ARAP2: variants seen among roughly 807,000 people sequenced by gnomAD.
The protein encoded by ARAP2 is arf-GAP with Rho-GAP domain, ANK repeat and PH domain-containing protein 2.
Under a neutral mutation model 194.5 loss-of-function variants are expected in ARAP2, and 148 were observed. The ratio of observed to expected loss-of-function variants is 0.76; its 90% CI spans 0.67 to 0.87. The LOEUF is 0.87. Among genes scored for constraint, ARAP2 ranks in the 40% least tolerant of loss-of-function variants. The pLI, the probability that ARAP2 is intolerant of heterozygous loss-of-function variation, is 0.00. For missense variants in ARAP2, 2,128 were observed against 1,989.7 expected (o/e 1.07, Z -1.32); for synonymous variants, 695 against 683.5 (o/e 1.02, Z -0.26).
intron 26 of ARAP2, among the ~76,000 whole-genome samples, chr4:36,112,128 T>C (rs1237868475): frequency 6.6e-6 from 1 of 151,940 alleles, no homozygotes; most frequent in Non-Finnish European, 1.5e-5. Context: ...ACAATCCATA[T>C]CACTCAGGTC....
At chr4:36,079,465 G>C (rs1280934304) in intron 31 of ARAP2, among the ~76,000 whole-genome samples, 1 of 152,064 alleles carries the variant, frequency 6.6e-6, no homozygotes, top group Admixed American at 6.6e-5. Context: ...ATAAAGAATG[G>C]CAACTTAATC....
rs149290171 is a variant in ARAP2 at position 36,090,088 on chromosome 4, C to T, written c.4425+1793G>A. 7.7e-3 allele frequency among the ~76,000 whole-genome samples: 1,169 copies of T among 151,832 alleles called. 8 individuals are homozygous for T. The highest frequency in any genetic ancestry group is 0.013 in the Non-Finnish European group (871 of 67,906). Reference sequence around the variant, plus strand: ...AATAAGGGGGATATTACTACTGACCCCATAGAAATATAAACAAGTATCAAA... The same window carrying T: ...AATAAGGGGGATATTACTACTGACCTCATAGAAATATAAACAAGTATCAAA... On this transcript the variant is annotated intron_variant, in intron 28 of 32. Coordinates refer to ENST00000303965, the MANE Select transcript of ARAP2 (RefSeq NM_015230.4).
intron 31 of ARAP2, among the ~76,000 whole-genome samples, chr4:36,074,264 A>T (rs1727719705): frequency 6.6e-6 from 1 of 152,176 alleles, no homozygotes. Context: ...CAGAAAAATT[A>T]GCCTAACTTT....
At chr4:36,063,462 GA>G (rs11286192), downstream of ARAP2, among the ~76,000 whole-genome samples, 20,887 of 132,138 alleles carry the variant, frequency 0.16, 1,514 homozygotes, top group Middle Eastern at 0.26. Context: ...TTTAAAAAAA[GA>G]AAAAAAAAAA....
chr4:36,225,093 T>A (rs1750008022), intron 2 of ARAP2, among the ~76,000 whole-genome samples: 1 of 152,200 alleles, frequency 6.6e-6, no homozygotes, highest in Admixed American at 6.5e-5. Context: ...GATTTCAAAC[T>A]TTTGAAAAGC....
Position 36,166,978 on chromosome 4 carries a change from T to A in ARAP2, c.1927A>T (p.Thr643Ser). The A allele has an allele frequency of 6.2e-7, 1 of 1,609,146 alleles. No homozygotes were observed. The highest frequency in any genetic ancestry group is 8.5e-7 in the Non-Finnish European group (1 of 1,178,152). ...ATTATTTCAAAAGATTGTTTCACAGTTCGGTCCACTTGCTTTACATTTGCT... is the reference window on the plus strand; with the variant it reads ...ATTATTTCAAAAGATTGTTTCACAGATCGGTCCACTTGCTTTACATTTGCT... ...NVANVKQVDR[T>S]VKQSFEIITP... The change falls in exon 10 of 33, where the codon ACT becomes TCT. Residue 643 changes from threonine to serine, a missense_variant. Thr to Ser is a moderately conservative substitution (Grantham distance 58). Transcript: ENST00000303965.
At chr4:36,145,992 T>C (rs1210175653) in intron 19 of ARAP2, among the ~76,000 whole-genome samples, 1 of 152,010 alleles carries the variant, frequency 6.6e-6, no homozygotes, top group Non-Finnish European at 1.5e-5. Flanking sequence ...CAAAGAGACA[T>C]CTCCGAGTTA....
rs1287415131 is a variant in ARAP2 at position 36,129,449 on chromosome 4, G to GATGAA, written c.3428-705_3428-704insTTCAT. The stretch of plus-strand genomic sequence containing the variant: ...TTCTCTGCCCAATCCCCATTCTGTT[G>GATGAA]GGGTCACCCTTCATCAATAATATTA... On this transcript the variant is annotated intron_variant, in intron 20 of 32. Coordinates refer to ENST00000303965, the MANE Select transcript of ARAP2 (RefSeq NM_015230.4). 2.6e-5 allele frequency among the ~76,000 whole-genome samples: 4 copies of GATGAA among 151,774 alleles called. No individual in the cohort carries two copies. In the East Asian group the frequency reaches 7.8e-4, roughly 30 times the overall value.
chr4:36,021,086 T>G (rs1716857192), intron 5 of ARAP2, among the ~76,000 whole-genome samples: 1 of 152,050 alleles, frequency 6.6e-6, no homozygotes, highest in Non-Finnish European at 1.5e-5. Flanking sequence ...AAATGATAGG[T>G]TAGAGGTACC....
chr4:36,225,016 G>A (rs1749989797), intron 2 of ARAP2, among the ~76,000 whole-genome samples: 1 of 152,134 alleles, frequency 6.6e-6, no homozygotes. Flanking sequence ...TGTGAATACA[G>A]AGGAAAAATA....
At chr4:36,092,565 G>A (rs1200455606) in intron 27 of ARAP2, among the ~76,000 whole-genome samples, 1 of 152,138 alleles carries the variant, frequency 6.6e-6, no homozygotes, top group Non-Finnish European at 1.5e-5. Context: ...AGCTGAGACT[G>A]TGCCATTGCA....
At chr4:36,055,578 T>A (rs1177610706) in intron 2 of ARAP2, among the ~76,000 whole-genome samples, 1 of 152,182 alleles carries the variant, frequency 6.6e-6, no homozygotes, top group Non-Finnish European at 1.5e-5. Context: ...TTATTTATTT[T>A]TTTGAGATGG....
intron 27 of ARAP2, among the ~76,000 whole-genome samples, chr4:36,097,085 C>T (rs1413650713): frequency 2.0e-5 from 3 of 151,958 alleles, no homozygotes; most frequent in East Asian, 1.9e-4. Context: ...TCCTATGTCT[C>T]GTATTAAACA....
rs1459770778 is a variant in ARAP2, at chr4:36,229,584, T to G, written c.-98A>C. The G allele has an allele frequency of 1.1e-6, 1 of 942,240 alleles. No individual in the cohort carries two copies. Among genetic ancestry groups the G allele is most frequent in the Non-Finnish European group, 1.5e-6 (1 of 645,974 alleles). 58.4% of individuals were successfully genotyped at this position (942,240 alleles called of 1,614,324 possible). ...CTCTACTGGCTTTTCCTCTATCAAT[T>G]GTGACAGAAAAGTTTCTTAAAATGT... On this transcript the variant is annotated 5_prime_UTR_variant, in exon 2 of 33. Transcript: ENST00000303965.
chr4:36,036,211 T>C lies in ARAP2; in HGVS notation n.607+9768A>G, dbSNP rs1031766088. 2.0e-5 allele frequency among the ~76,000 whole-genome samples: 3 copies of C among 152,104 alleles called. No homozygotes were observed. The East Asian group carries it at 5.8e-4, about 29-fold the overall frequency. On this transcript the variant is annotated intron_variant and non_coding_transcript_variant, in intron 5 of 12. Coordinates refer to the ARAP2 transcript ENST00000503225. ...CAGACTCACACACAAATATTTTCCC[T>C]ACAGGTATTGATATTTAGATTGGGA... is the stretch of plus-strand genomic sequence containing the variant.
At chr4:36,232,871 T>C (rs1215291340) in intron 1 of ARAP2, among the ~76,000 whole-genome samples, 1 of 152,196 alleles carries the variant, frequency 6.6e-6, no homozygotes, top group Non-Finnish European at 1.5e-5. Context: ...ATTGTATTAG[T>C]TTTTTGCTAT....
At chr4:36,115,243 T>C (rs1179797986) in intron 25 of ARAP2, among the ~76,000 whole-genome samples, 1 of 151,970 alleles carries the variant, frequency 6.6e-6, no homozygotes, top group Non-Finnish European at 1.5e-5. Context: ...TTTTGGAATA[T>C]AATTATACAA....
At chr4:36,231,460 T>G (rs941654264) in intron 1 of ARAP2, among the ~76,000 whole-genome samples, 1 of 152,208 alleles carries the variant, frequency 6.6e-6, no homozygotes, top group Non-Finnish European at 1.5e-5. Context: ...AACAAGTGTA[T>G]TGTCTATTTT....
intron 5 of ARAP2, among the ~76,000 whole-genome samples, chr4:36,045,219 T>A (rs924306641): frequency 1.3e-5 from 2 of 152,158 alleles, no homozygotes; most frequent in South Asian, 2.1e-4. Context: ...GACATCAGTA[T>A]GTTGAAGAGC....
Sources: gnomAD v4.1 joint callset for allele counts (sites outside exome capture counted in the v4.1 genomes callset) on GRCh38, gnomAD v4.1.1 for gene constraint, MANE v1.5 for transcripts, NCBI Gene and HGNC (gene_info 2026-07-23, HGNC 2026-07-21) for gene names.